Variants in ABCC9 observed in about 807,000 individuals in gnomAD.
The protein encoded by ABCC9 is ATP-binding cassette sub-family C member 9.
Under a neutral mutation model 188.3 loss-of-function variants are expected in ABCC9, and 95 were observed. That is an observed-to-expected ratio of 0.50 (90% CI 0.43 to 0.60). The LOEUF (loss-of-function observed/expected upper bound fraction) is 0.60, where lower values mean the gene tolerates loss of function less well. ABCC9 is among the 20% of genes least tolerant of loss of function. The pLI is 0.00. For synonymous variants in ABCC9, 659 were observed against 652.7 expected (o/e 1.01, Z -0.15); for missense variants, 1,102 against 1,876.3 (o/e 0.59, Z 7.62).
chr12:21,906,329 A>C (rs749960074), intron 11 of ABCC9, 41 bp from the exon 12 acceptor site: 1 of 1,565,614 alleles, frequency 6.4e-7, no homozygotes, highest in Admixed American at 1.8e-5. Context: ...GCTGCATCCA[A>C]GTGAATCAGA....
chr12:21,805,850 C>T (rs879213943), intron 39 of ABCC9, 148 bp downstream of exon 39: 12 of 776,612 alleles, frequency 1.5e-5, no homozygotes, highest in East Asian at 5.1e-5. Flanking sequence ...AAAACATCTT[C>T]GTATTTTTTT....
chr12:21,880,140 T>G (rs2137635586), intron 16 of ABCC9, among the ~76,000 whole-genome samples: 1 of 151,802 alleles, frequency 6.6e-6, no homozygotes, highest in Admixed American at 6.6e-5. Flanking sequence ...AAATGACTAC[T>G]ACTAAATGTA....
At chr12:21,837,946 T>G (rs1191731202) in intron 30 of ABCC9, 132 bp downstream of exon 30, 1 of 794,240 alleles carries the variant, frequency 1.3e-6, no homozygotes, top group Non-Finnish European at 2.1e-6. Flanking sequence ...TTTCTTATTC[T>G]TGGTTTAGTA....
chr12:21,925,553 C>T, intron 5 of ABCC9: 1 of 702,112 alleles, frequency 1.4e-6, no homozygotes, highest in Non-Finnish European at 2.6e-6. Flanking sequence ...GACAGAAACA[C>T]CTGGAACTAG....
At chr12:21,812,225 A>G in intron 35 of ABCC9, 68 bp from the exon 36 acceptor site, 1 of 1,210,442 alleles carries the variant, frequency 8.3e-7, no homozygotes, top group Non-Finnish European at 1.2e-6. Context: ...TTGTTTACAA[A>G]TTGAAAGTTA....
At chr12:21,851,266 GT>G (rs1025169235) in intron 24 of ABCC9, among the ~76,000 whole-genome samples, 1 of 152,032 alleles carries the variant, frequency 6.6e-6, no homozygotes, top group Non-Finnish European at 1.5e-5. Context: ...GTCTATCAGA[GT>G]TTTTCCTCTT....
intron 24 of ABCC9, among the ~76,000 whole-genome samples, chr12:21,850,569 G>T (rs1163271385): frequency 6.6e-6 from 1 of 152,078 alleles, no homozygotes; most frequent in Non-Finnish European, 1.5e-5. Context: ...ATACAGCTAT[G>T]CTATCTCAAG....
chr12:21,931,125 C>T (rs529035557), intron 4 of ABCC9, among the ~76,000 whole-genome samples: 5 of 151,272 alleles, frequency 3.3e-5, no homozygotes, highest in African/African-American at 7.3e-5. Context: ...AATTGTAATC[C>T]GAATTGTAAT....
In ABCC9 at chr12:21,826,935, G is replaced by T. The variant is rs1172268296; in HGVS notation, c.3669+2023C>A. ...AAGACTAGATTGCAAATCTTGGAAGGATTCTAATACACAGAAAGCAAGGAG... is the reference window on the plus strand; with the variant it reads ...AAGACTAGATTGCAAATCTTGGAAGTATTCTAATACACAGAAAGCAAGGAG... On this transcript the variant is annotated intron_variant, in intron 31 of 39. Coordinates refer to ENST00000261200, the MANE Select transcript of ABCC9 (RefSeq NM_020297.4). Among the ~76,000 whole-genome samples, 3 of 152,148 alleles carry T rather than the reference G, an allele frequency of 2.0e-5. No homozygotes were observed. The South Asian group carries it at 6.2e-4, about 32-fold the overall frequency.
chr12:21,910,319 A>C lies in ABCC9; in HGVS notation c.1165-7T>G. On this transcript the variant is annotated splice_region_variant and splice_polypyrimidine_tract_variant and intron_variant, in intron 9 of 39. Coordinates refer to ENST00000261200, the MANE Select transcript of ABCC9 (RefSeq NM_020297.4). The stretch of plus-strand genomic sequence containing the variant: ...TTTTATTATAAATCATGGCCTACCA[A>C]AAAAAAAAAAAAGAGTACATAAAGC... 3 of 683,120 alleles carry C rather than the reference A, an allele frequency of 4.4e-6. No individual in the cohort carries two copies. Among genetic ancestry groups the C allele is most frequent in the Non-Finnish European group, 6.1e-6 (3 of 495,412 alleles). 42.3% of individuals were successfully genotyped at this position (683,120 alleles called of 1,614,324 possible). A position where few individuals can be genotyped will look rare whatever the true frequency, so the allele number is the denominator to read the frequency against.
intron 31 of ABCC9, among the ~76,000 whole-genome samples, chr12:21,823,934 C>G (rs1193086990): frequency 6.6e-6 from 1 of 152,274 alleles, no homozygotes; most frequent in African/African-American, 2.4e-5. Context: ...TTCTTTTAGT[C>G]TCTTGTCCTT....
At chr12:21,882,948 A>T (rs1946693486) in intron 15 of ABCC9, 75 bp from the exon 16 acceptor site, 1 of 1,078,530 alleles carries the variant, frequency 9.3e-7, no homozygotes, top group Non-Finnish European at 1.4e-6. Flanking sequence ...ACTTACTCAC[A>T]TTGCTACCTA....
chr12:21,825,767 A>T (rs1343743896), intron 31 of ABCC9, among the ~76,000 whole-genome samples: 1 of 152,152 alleles, frequency 6.6e-6, no homozygotes, highest in African/African-American at 2.4e-5. Flanking sequence ...TGTTCTGCGT[A>T]TGTATCCCAG....
chr12:21,886,672 T>C (rs188120983), intron 15 of ABCC9, among the ~76,000 whole-genome samples: 1 of 152,262 alleles, frequency 6.6e-6, no homozygotes, highest in Admixed American at 6.5e-5. Flanking sequence ...CTATTGCATG[T>C]CAATAAAATC....
chr12:21,937,857 C>T (rs1194030772), intron 2 of ABCC9, among the ~76,000 whole-genome samples: 1 of 152,134 alleles, frequency 6.6e-6, no homozygotes, highest in African/African-American at 2.4e-5. Flanking sequence ...TATTACACAA[C>T]CTCCAACCTG....
At chr12:21,927,408 A>G (rs544860491) in intron 4 of ABCC9, among the ~76,000 whole-genome samples, 1 of 152,268 alleles carries the variant, frequency 6.6e-6, no homozygotes, top group Admixed American at 6.5e-5. Context: ...GCAGTTAGGA[A>G]ACTATGGGTA....
chr12:21,881,707 A>AAC (rs3062604), intron 16 of ABCC9, among the ~76,000 whole-genome samples: 30,958 of 147,040 alleles, frequency 0.21, 3,773 homozygotes, highest in East Asian at 0.46. Context: ...CCTAGGGAAC[A>AAC]ACACACACAC....
chr12:21,898,934 T>C (rs1056399012), intron 12 of ABCC9, among the ~76,000 whole-genome samples: 1 of 152,180 alleles, frequency 6.6e-6, no homozygotes, highest in Non-Finnish European at 1.5e-5. Context: ...GAAAATGGTA[T>C]TTTTTTCTCC....
chr12:21,912,355 A>G (rs567827977), intron 8 of ABCC9, among the ~76,000 whole-genome samples: 2 of 152,208 alleles, frequency 1.3e-5, no homozygotes, highest in East Asian at 3.9e-4. Context: ...TTAACTATAT[A>G]GCCCCAATAT....
Sources: gnomAD v4.1 joint callset for allele counts (sites outside exome capture counted in the v4.1 genomes callset) on GRCh38, gnomAD v4.1.1 for gene constraint, MANE v1.5 for transcripts, NCBI Gene and HGNC (gene_info 2026-07-23, HGNC 2026-07-21) for gene names.